Variants in AJAP1 observed in about 807,000 individuals in gnomAD.
The protein encoded by AJAP1 is adherens junctions associated protein 1, also known as adherens junction-associated protein 1.
In AJAP1, 5 loss-of-function variants were observed where a neutral mutation model predicts 35.0. That is an observed-to-expected ratio of 0.14 (90% CI 0.07 to 0.30). The LOEUF (loss-of-function observed/expected upper bound fraction) is 0.30, where lower values mean the gene tolerates loss of function less well. Ranked by LOEUF, AJAP1 falls within the 10% of genes least tolerant of loss-of-function variation. The pLI, the probability that AJAP1 is intolerant of heterozygous loss-of-function variation, is 1.00. For synonymous variants in AJAP1, 284 were observed against 249.3 expected, an observed-to-expected ratio of 1.14 and a Z score of -1.31; for missense variants, 586 against 571.0, an observed-to-expected ratio of 1.03 and a Z score of -0.27.
At position 4,712,095 on chromosome 1, in the gene AJAP1, G is replaced by A. The variant is rs967589728; in HGVS notation, c.225G>A (p.Pro75=). 7.7e-6 allele frequency: 12 copies of A among 1,552,986 alleles called. No homozygotes were observed. The East Asian group carries it at 2.4e-4, about 31-fold the overall frequency. The stretch of plus-strand genomic sequence containing the variant: ...GGAGTGGACAGCCAGCGCGGGTCCC[G>A]GCCCCGGTGTGGAGCCCCCGGCCGC... ...SFRSGQPARV[P]APVWSPRPPR... Residue 75 remains proline (P), a synonymous_variant, in exon 2 of 6, where the codon CCG becomes CCA. Coordinates refer to ENST00000378191, the MANE Select transcript of AJAP1 (RefSeq NM_018836.4).
At chr1:4,702,871 T>C (rs1326827750) in intron 1 of AJAP1, among the ~76,000 whole-genome samples, 1 of 152,184 alleles carries the variant, frequency 6.6e-6, no homozygotes, top group Non-Finnish European at 1.5e-5. Context: ...GGATGGGGCA[T>C]TGGGAGGCAA....
chr1:4,660,515 C>G (rs1638978780), intron 1 of AJAP1, among the ~76,000 whole-genome samples: 1 of 151,978 alleles, frequency 6.6e-6, no homozygotes, highest in African/African-American at 2.4e-5. Flanking sequence ...TGATGTCTTA[C>G]AATGCCTGCA....
chr1:4,696,083 C>A (rs1639852329), intron 1 of AJAP1, among the ~76,000 whole-genome samples: 1 of 152,112 alleles, frequency 6.6e-6, no homozygotes, highest in Admixed American at 6.5e-5. Flanking sequence ...TTGGAAGCAG[C>A]CAGCAGGTGG....
chr1:4,723,008 T>C lies in AJAP1; in HGVS notation c.829+10309T>C, dbSNP rs960596436. On this transcript the variant is annotated intron_variant, in intron 2 of 5. Coordinates refer to ENST00000378191, the MANE Select transcript of AJAP1 (RefSeq NM_018836.4). This position sits in a 1 kb window ranked among gnomAD's most constrained non-coding sequence, Gnocchi z 4.3. ...GATCTGAGCCGGAGGTACTGGCTGC[T>C]CTCTGAGGGCATTCTAGGGGGAAGA... is the stretch of plus-strand genomic sequence containing the variant. Among the ~76,000 whole-genome samples the C allele has an allele frequency of 1.3e-5, 2 of 151,992 alleles. No homozygotes were observed. The highest frequency in any genetic ancestry group is 2.9e-5 in the Non-Finnish European group (2 of 67,996).
chr1:4,746,547 C>A (rs1209278304), intron 2 of AJAP1, among the ~76,000 whole-genome samples: 1 of 152,180 alleles, frequency 6.6e-6, no homozygotes, highest in Non-Finnish European at 1.5e-5. Context: ...CACATGGTAA[C>A]CCCTTATCAG....
intron 1 of AJAP1, among the ~76,000 whole-genome samples, chr1:4,706,972 T>C (rs1430512090): frequency 6.6e-6 from 1 of 152,166 alleles, no homozygotes; most frequent in Admixed American, 6.5e-5. Flanking sequence ...TTATTCTTTC[T>C]TTGAAAATCA....
intron 1 of AJAP1, among the ~76,000 whole-genome samples, chr1:4,665,916 G>A (rs767989982): frequency 6.6e-6 from 1 of 152,218 alleles, no homozygotes; most frequent in Non-Finnish European, 1.5e-5. Context: ...AGGTAGCAGC[G>A]TTTGACTCCC....
rs968831887 is a variant in AJAP1 at position 4,686,060 on chromosome 1, C to T, written c.30-25840C>T. Among the ~76,000 whole-genome samples, 14 of 152,348 alleles carry T rather than the reference C, an allele frequency of 9.2e-5. No homozygotes were observed. The East Asian group carries it at 1.7e-3, about 19-fold the overall frequency. ...TGAGGGCAGAGCTGTTTCTTCTCCT[C>T]GGAGGTTTTGCCTGTGTATCTGGCA... On this transcript the variant is annotated intron_variant, in intron 1 of 5. Transcript: ENST00000378191.
At chr1:4,670,660 C>T (rs939464933) in intron 1 of AJAP1, among the ~76,000 whole-genome samples, 1 of 152,214 alleles carries the variant, frequency 6.6e-6, no homozygotes, top group Non-Finnish European at 1.5e-5. Context: ...CTCCAGTGCC[C>T]AGGTTGTCGA....
chr1:4,765,593 T>C (rs1316935437), intron 2 of AJAP1, among the ~76,000 whole-genome samples: 1 of 152,070 alleles, frequency 6.6e-6, no homozygotes, highest in Non-Finnish European at 1.5e-5. Context: ...ACCAATAAGA[T>C]ATGGTCTCTC....
intron 1 of AJAP1, among the ~76,000 whole-genome samples, chr1:4,669,299 A>G (rs1639200456): frequency 2.0e-5 from 3 of 152,194 alleles, no homozygotes. Context: ...AGATCATACA[A>G]TTAATACATT....
intron 1 of AJAP1, among the ~76,000 whole-genome samples, chr1:4,658,664 C>G (rs79890195): frequency 0.012 from 1,806 of 152,370 alleles, 19 homozygotes; most frequent in Admixed American, 0.021. Flanking sequence ...ACATACCCCC[C>G]TTTCATGCTC....
intron 5 of AJAP1, among the ~76,000 whole-genome samples, chr1:4,779,374 C>G (rs1185597969): frequency 6.7e-6 from 1 of 149,402 alleles, no homozygotes; most frequent in African/African-American, 2.5e-5. Flanking sequence ...CTCGCTCTGT[C>G]GCCCAGGCTG....
At chr1:4,770,973 G>C (rs940267104) in intron 3 of AJAP1, among the ~76,000 whole-genome samples, 2 of 152,038 alleles carry the variant, frequency 1.3e-5, no homozygotes, top group Admixed American at 6.5e-5. Flanking sequence ...TCTTAGGCAG[G>C]GGCTGGCCAG....
rs990945944 is a variant in AJAP1 at position 4,669,560 on chromosome 1, C to T, written c.29+14106C>T. On this transcript the variant is annotated intron_variant, in intron 1 of 5. Coordinates refer to ENST00000378191, the MANE Select transcript of AJAP1 (RefSeq NM_018836.4). The stretch of plus-strand genomic sequence containing the variant: ...ATCACGAGAACAGCATGAGGGAAAC[C>T]GCTCCCATGATCCAATGACCTCCAC... 3.3e-5 allele frequency among the ~76,000 whole-genome samples: 5 copies of T among 152,110 alleles called. No individual in the cohort carries two copies. The South Asian group carries it at 8.3e-4, about 25-fold the overall frequency.
intron 2 of AJAP1, among the ~76,000 whole-genome samples, chr1:4,744,685 C>G (rs910942271): frequency 6.6e-6 from 1 of 152,206 alleles, no homozygotes; most frequent in Non-Finnish European, 1.5e-5. Context: ...CCTCATGTCT[C>G]ACCATGTGCA....
At chr1:4,658,464 G>T (rs1372892785) in intron 1 of AJAP1, among the ~76,000 whole-genome samples, 1 of 152,248 alleles carries the variant, frequency 6.6e-6, no homozygotes, top group Non-Finnish European at 1.5e-5. Flanking sequence ...AGCGGATGAA[G>T]TCAAACGCGC....
At chr1:4,663,421 T>G (rs2100506149) in intron 1 of AJAP1, among the ~76,000 whole-genome samples, 1 of 152,194 alleles carries the variant, frequency 6.6e-6, no homozygotes, top group East Asian at 1.9e-4. Flanking sequence ...AGGCCATGGA[T>G]TCCAGGAATT....
chr1:4,716,500 A>T (rs537437001), intron 2 of AJAP1, among the ~76,000 whole-genome samples: 1 of 152,208 alleles, frequency 6.6e-6, no homozygotes, highest in African/African-American at 2.4e-5. Flanking sequence ...GGTGATGGTG[A>T]TGATGATGGT....
Sources: allele counts gnomAD v4.1 joint callset (sites outside exome capture counted in the v4.1 genomes callset), GRCh38; gene constraint gnomAD v4.1.1; non-coding constraint Gnocchi (gnomAD v3.1); transcripts MANE v1.5; gene names NCBI Gene and HGNC (gene_info 2026-07-23, HGNC 2026-07-21).